CWF19L2: variants seen among roughly 807,000 people sequenced by gnomAD.
CWF19L2 encodes the protein CWF19-like protein 2.
CWF19L2 carries 98 observed loss-of-function variants against 111.7 expected under a neutral mutation model. The ratio of observed to expected loss-of-function variants is 0.88; its 90% CI spans 0.75 to 1.04. The LOEUF is 1.04. CWF19L2 is among the 50% of genes least tolerant of loss of function. The pLI, the probability that CWF19L2 is intolerant of heterozygous loss-of-function variation, is 0.00. For missense variants in CWF19L2, 1,101 were observed against 1,051.4 expected (o/e 1.05, Z -0.65); for synonymous variants, 351 against 342.9 (o/e 1.02, Z -0.26).
At chr11:107,339,665 C>CTTTT (rs34093897) in intron 14 of CWF19L2, among the ~76,000 whole-genome samples, 2 of 129,970 alleles carry the variant, frequency 1.5e-5, no homozygotes, top group African/African-American at 2.9e-5. Flanking sequence ...TTGTTTATCC[C>CTTTT]TTTTTTTTTT....
chr11:107,411,089 G>GCACACACACACACACACACACACA (rs146846176), intron 10 of CWF19L2, among the ~76,000 whole-genome samples: 2 of 148,692 alleles, frequency 1.3e-5, no homozygotes, highest in African/African-American at 5.0e-5. Context: ...GCGCGTGCGT[G>GCACACACACACACACACACACACA]CACACACACA....
At chr11:107,361,285 T>C (rs1298420853) in intron 12 of CWF19L2, among the ~76,000 whole-genome samples, 3 of 152,246 alleles carry the variant, frequency 2.0e-5, no homozygotes, top group African/African-American at 7.2e-5. Context: ...TTTATTTCAA[T>C]ATTTCCTATT....
chr11:107,428,955 C>T lies in CWF19L2; in HGVS notation c.1277G>A (p.Gly426Glu). The change falls in exon 8 of 18, where the codon GGA becomes GAA. Residue 426 changes from glycine to glutamate, a missense_variant. Gly to Glu is a moderately conservative substitution (Grantham distance 98). Coordinates refer to ENST00000282251, the MANE Select transcript of CWF19L2 (RefSeq NM_152434.3). Reference sequence around the variant, plus strand: ...CTTTTGATTTGAATGTTTCTTGTCTCCTCTCCCATCAGAGCGACTCCATGA... The same window carrying T: ...CTTTTGATTTGAATGTTTCTTGTCTTCTCTCCCATCAGAGCGACTCCATGA... ...LTSWSRSDGR[G>E]DKKHSNQKPS... 6.2e-7 allele frequency: 1 copy of T among 1,613,400 alleles called. No individual in the cohort carries two copies. The highest frequency in any genetic ancestry group is 8.5e-7 in the Non-Finnish European group (1 of 1,179,694).
At chr11:107,410,728 T>C (rs763702958) in intron 10 of CWF19L2, among the ~76,000 whole-genome samples, 22 of 152,192 alleles carry the variant, frequency 1.4e-4, no homozygotes, top group Non-Finnish European at 2.2e-4. Context: ...CTCAAAACCG[T>C]AGGAGAAATG....
At chr11:107,362,589 C>T (rs149736106) in intron 12 of CWF19L2, among the ~76,000 whole-genome samples, 3,022 of 116,452 alleles carry the variant, frequency 0.026, no homozygotes, top group Non-Finnish European at 0.033. Flanking sequence ...GCTGGGTACT[C>T]CAACAGACCT....
At chr11:107,395,881 C>T (rs540070279) in intron 10 of CWF19L2, among the ~76,000 whole-genome samples, 1 of 152,216 alleles carries the variant, frequency 6.6e-6, no homozygotes, top group Admixed American at 6.5e-5. Flanking sequence ...ACTACTGGTA[C>T]CTATAGGACC....
intron 10 of CWF19L2, among the ~76,000 whole-genome samples, chr11:107,405,867 A>AGAT (rs1861070519): frequency 2.0e-5 from 3 of 151,682 alleles, no homozygotes; most frequent in African/African-American, 7.3e-5. Context: ...AAGAAGAAGA[A>AGAT]GATAATGCAA....
intron 8 of CWF19L2, among the ~76,000 whole-genome samples, chr11:107,419,090 C>T (rs1382762634): frequency 1.3e-5 from 2 of 152,158 alleles, no homozygotes; most frequent in African/African-American, 4.8e-5. Flanking sequence ...CAGCAAGAAA[C>T]CACCTGCAGT....
At chr11:107,442,743 G>A (rs1390882199) in intron 4 of CWF19L2, among the ~76,000 whole-genome samples, 196 bp downstream of exon 4, 4 of 21,610 alleles carry the variant, frequency 1.9e-4, no homozygotes, top group East Asian at 1.5e-3. Flanking sequence ...AGAAAGGAAG[G>A]AAGGAAGGAA....
At chr11:107,394,548 C>G (rs564324638) in intron 10 of CWF19L2, among the ~76,000 whole-genome samples, 48 of 152,180 alleles carry the variant, frequency 3.2e-4, no homozygotes, top group African/African-American at 9.9e-4. Context: ...ACACTCTACT[C>G]TCTCCTGGTT....
chr11:107,453,898 T>C (rs1191501235), intron 3 of CWF19L2, among the ~76,000 whole-genome samples: 2 of 151,694 alleles, frequency 1.3e-5, no homozygotes, highest in African/African-American at 4.8e-5. Context: ...GGGTCTATGG[T>C]GGTGGCTACA....
chr11:107,359,857 C>T (rs942815925), intron 12 of CWF19L2, among the ~76,000 whole-genome samples: 1 of 152,190 alleles, frequency 6.6e-6, no homozygotes, highest in Admixed American at 6.5e-5. Flanking sequence ...GCTATGACTC[C>T]TCACTCCACT....
At chr11:107,416,669 C>T (rs1038265023) in intron 9 of CWF19L2, among the ~76,000 whole-genome samples, 2 of 152,198 alleles carry the variant, frequency 1.3e-5, no homozygotes, top group African/African-American at 4.8e-5. Flanking sequence ...AAACTGTTAC[C>T]TTCTTTATTG....
intron 12 of CWF19L2, among the ~76,000 whole-genome samples, chr11:107,360,930 C>G (rs1458454169): frequency 6.6e-6 from 1 of 152,066 alleles, no homozygotes; most frequent in East Asian, 1.9e-4. Flanking sequence ...ACTGTGCAGG[C>G]TATCTGTTCA....
chr11:107,419,024 GAAAGCTGCACCAT>G (rs1861267211), intron 8 of CWF19L2, among the ~76,000 whole-genome samples: 1 of 152,194 alleles, frequency 6.6e-6, no homozygotes, highest in African/African-American at 2.4e-5. Flanking sequence ...CCAAAGAAGC[GAAAGCTGCACCAT>G]AAGAAAATCC....
intron 14 of CWF19L2, among the ~76,000 whole-genome samples, chr11:107,340,039 A>G (rs897256908): frequency 3.3e-4 from 51 of 152,330 alleles, no homozygotes; most frequent in Non-Finnish European, 5.9e-4. Flanking sequence ...TATTCTAGAT[A>G]CAAATCCATT....
rs1258444540 is a variant in CWF19L2 at position 107,370,167 on chromosome 11, TGTATTTCTAAACTCTTAGGTGACA to T, written c.1873-16455_1873-16432del. On this transcript the variant is annotated intron_variant, in intron 12 of 17. Transcript: ENST00000282251. ...CCTACTACAGGAACTCTAAGGTGAC[TGTATTTCTAAACTCTTAGGTGACA>T]GTATTTCTAAAAGTTGTTCTTCTAT... Among the ~76,000 whole-genome samples, 29 of 137,592 alleles carry T rather than the reference TGTATTTCTAAACTCTTAGGTGACA, an allele frequency of 2.1e-4. 4 individuals carry two copies. The highest frequency in any genetic ancestry group is 1.3e-3 in the Admixed American group (18 of 14,012). 90.3% of individuals were successfully genotyped at this position (137,592 alleles called of 152,430 possible).
At chr11:107,368,419 C>T (rs1481838606) in intron 12 of CWF19L2, among the ~76,000 whole-genome samples, 1 of 137,836 alleles carries the variant, frequency 7.3e-6, no homozygotes, top group Non-Finnish European at 1.6e-5. Context: ...CTAACTCTTC[C>T]AAATCAGAAT....
chr11:107,337,367 TTGTGTGTG>T (rs5794537), intron 14 of CWF19L2, among the ~76,000 whole-genome samples: 11,686 of 148,122 alleles, frequency 0.079, 565 homozygotes, highest in East Asian at 0.16. Context: ...GGTGTGTGTT[TTGTGTGTG>T]TGTGTGTGTG....
Sources: allele counts gnomAD v4.1 joint callset (sites outside exome capture counted in the v4.1 genomes callset), GRCh38; gene constraint gnomAD v4.1.1; transcripts MANE v1.5; gene names NCBI Gene and HGNC (gene_info 2026-07-23, HGNC 2026-07-21).